Variants in DAB1 observed in about 807,000 individuals in gnomAD.
DAB1 encodes disabled homolog 1.
Under a neutral mutation model 64.6 loss-of-function variants are expected in DAB1, and 15 were observed. The observed-to-expected ratio is 0.23, with a 90% CI of 0.16 to 0.36. The LOEUF is 0.36. Among genes scored for constraint, DAB1 ranks in the 10% least tolerant of loss-of-function variants. DAB1 has a pLI of 1.00. For missense variants in DAB1, 596 were observed against 706.7 expected, an observed-to-expected ratio of 0.84 and a Z score of 1.78; for synonymous variants, 235 against 251.9, an observed-to-expected ratio of 0.93 and a Z score of 0.64.
chr1:58,359,390 T>C (rs1284896789), intron 3 of DAB1, among the ~76,000 whole-genome samples: 1 of 152,234 alleles, frequency 6.6e-6, no homozygotes, highest in Non-Finnish European at 1.5e-5. Flanking sequence ...AAACTTCTGG[T>C]TGGAGATGTG....
At chr1:58,533,343 T>C (rs1646465800) in intron 1 of DAB1, among the ~76,000 whole-genome samples, 1 of 152,242 alleles carries the variant, frequency 6.6e-6, no homozygotes, top group Non-Finnish European at 1.5e-5. Flanking sequence ...AGGTTAGTCA[T>C]GTTACTGTTT....
intron 9 of DAB1, among the ~76,000 whole-genome samples, chr1:57,061,575 C>G (rs899823087): frequency 6.6e-6 from 1 of 152,202 alleles, no homozygotes; most frequent in Non-Finnish European, 1.5e-5. Context: ...TCACTTTGAG[C>G]TGGAATTGAC....
chr1:57,416,457 T>G (rs269059), intron 1 of DAB1, among the ~76,000 whole-genome samples: 2,817 of 152,270 alleles, frequency 0.018, 82 homozygotes, highest in African/African-American at 0.064. Context: ...GAAAGCAGTT[T>G]TATTTATAAT....
intron 3 of DAB1, among the ~76,000 whole-genome samples, chr1:58,436,548 C>T (rs1644946720): frequency 6.6e-6 from 1 of 152,204 alleles, no homozygotes; most frequent in Non-Finnish European, 1.5e-5. Flanking sequence ...ATGAAGTTGG[C>T]TCCTTCTTAA....
rs562414826 is a variant in DAB1, at chr1:58,151,022, C to T, written n.310-434G>A. Among the ~76,000 whole-genome samples the T allele has an allele frequency of 5.3e-5, 8 of 152,192 alleles. No individual in the cohort carries two copies. In the South Asian group the frequency reaches 6.2e-4, roughly 12 times the overall value. On this transcript the variant is annotated intron_variant and non_coding_transcript_variant, in intron 4 of 20. Transcript: ENST00000485760. ...CCATGTCCCTACAAAGGACATGAAC[C>T]CATCATTTTTTATGGCTGCATAGTA... is the stretch of plus-strand genomic sequence containing the variant.
rs148211723 is a variant in DAB1 at position 57,697,898 on chromosome 1, T to C, written n.552-48233A>G. Among the ~76,000 whole-genome samples the C allele has an allele frequency of 3.5e-4, 53 of 152,294 alleles. No individual in the cohort carries two copies. The East Asian group carries it at 6.8e-3, about 19-fold the overall frequency. The stretch of plus-strand genomic sequence containing the variant: ...GGAAAAACCCCAATCTCCCTAGCAC[T>C]GGATTCAAAGCTGGTAGATTTCTAG... On this transcript the variant is annotated intron_variant and non_coding_transcript_variant, in intron 6 of 20. Transcript: ENST00000485760.
chr1:58,155,477 CGG>C (rs1239586068), intron 4 of DAB1, among the ~76,000 whole-genome samples: 1 of 152,194 alleles, frequency 6.6e-6, no homozygotes, highest in Non-Finnish European at 1.5e-5. Flanking sequence ...CTGTGAAAAA[CGG>C]GAAGCAAACC....
intron 3 of DAB1, chr1:58,480,704 A>T: frequency 3.8e-6 from 1 of 266,108 alleles, no homozygotes; most frequent in Non-Finnish European, 7.0e-6. Flanking sequence ...AATCAAAAGC[A>T]AGTAGAAGAC....
At chr1:58,337,329 T>C (rs1314371768) in intron 4 of DAB1, among the ~76,000 whole-genome samples, 1 of 148,782 alleles carries the variant, frequency 6.7e-6, no homozygotes, top group South Asian at 2.1e-4. Context: ...ATAACATAAA[T>C]TGGAGTAACG....
chr1:58,038,743 C>T (rs1647086717), intron 5 of DAB1, among the ~76,000 whole-genome samples: 1 of 152,138 alleles, frequency 6.6e-6, no homozygotes, highest in South Asian at 2.1e-4. Context: ...GGTGGATTAA[C>T]ACAAAGGAAG....
At chr1:57,144,237 A>T (rs1658886726) in intron 3 of DAB1, among the ~76,000 whole-genome samples, 1 of 152,086 alleles carries the variant, frequency 6.6e-6, no homozygotes, top group Non-Finnish European at 1.5e-5. Flanking sequence ...ATATGTTTGA[A>T]ATACATATGA....
chr1:57,980,363 TC>T (rs1428818337), intron 5 of DAB1, among the ~76,000 whole-genome samples: 1 of 152,050 alleles, frequency 6.6e-6, no homozygotes, highest in Non-Finnish European at 1.5e-5. Context: ...AGGTGAAATA[TC>T]CCCCACTTTT....
intron 3 of DAB1, among the ~76,000 whole-genome samples, chr1:58,371,117 C>CT (rs1644260987): frequency 6.6e-6 from 1 of 152,192 alleles, no homozygotes; most frequent in African/African-American, 2.4e-5. Flanking sequence ...AAGTTTGGAA[C>CT]TTCCTAGAGA....
At chr1:57,176,327 G>T (rs941085633) in intron 2 of DAB1, among the ~76,000 whole-genome samples, 1 of 152,122 alleles carries the variant, frequency 6.6e-6, no homozygotes, top group Non-Finnish European at 1.5e-5. Context: ...CATGATGGAA[G>T]GTGGAAGGCA....
chr1:58,178,550 C>A (rs1332055752), intron 4 of DAB1, among the ~76,000 whole-genome samples: 1 of 152,140 alleles, frequency 6.6e-6, no homozygotes, highest in African/African-American at 2.4e-5. Flanking sequence ...CAGTGCTCAA[C>A]AAAGGATGGG....
At chr1:58,031,377 T>G (rs1044908694) in intron 5 of DAB1, among the ~76,000 whole-genome samples, 1 of 152,150 alleles carries the variant, frequency 6.6e-6, no homozygotes, top group Admixed American at 6.6e-5. Context: ...GGGAAAGTGA[T>G]CTGTTCAGAG....
chr1:57,701,850 CTTA>C (rs1646912175), intron 6 of DAB1, among the ~76,000 whole-genome samples: 1 of 151,906 alleles, frequency 6.6e-6, no homozygotes, highest in African/African-American at 2.4e-5. Context: ...TTCTGGGGGT[CTTA>C]TTATTATTTC....
intron 2 of DAB1, among the ~76,000 whole-genome samples, chr1:57,148,161 C>G (rs904235500): frequency 6.6e-6 from 1 of 152,182 alleles, no homozygotes; most frequent in Non-Finnish European, 1.5e-5. Flanking sequence ...CTCTAAAAAA[C>G]TGTCTATGAG....
intron 7 of DAB1, among the ~76,000 whole-genome samples, chr1:57,498,992 T>A (rs1386462186): frequency 6.6e-6 from 1 of 152,110 alleles, no homozygotes; most frequent in South Asian, 2.1e-4. Flanking sequence ...TTTGTTTTGT[T>A]TTGAGATGGA....
Sources: allele counts gnomAD v4.1 joint callset (sites outside exome capture counted in the v4.1 genomes callset), GRCh38; gene constraint gnomAD v4.1.1; transcripts MANE v1.5; gene names NCBI Gene and HGNC (gene_info 2026-07-23, HGNC 2026-07-21).